NLGN4X: variants seen among roughly 807,000 people sequenced by gnomAD.
The protein encoded by NLGN4X is neuroligin 4 X-linked.
NLGN4X carries 3 observed loss-of-function variants against 40.3 expected under a neutral mutation model. That is an observed-to-expected ratio of 0.07 (90% CI 0.03 to 0.19). NLGN4X has a LOEUF of 0.19. Among genes scored for constraint, NLGN4X ranks in the 10% least tolerant of loss-of-function variants. The pLI, the probability that NLGN4X is intolerant of heterozygous loss-of-function variation, is 1.00. For synonymous variants in NLGN4X, 270 were observed against 306.8 expected (o/e 0.88, Z 1.25); for missense variants, 382 against 708.3 (o/e 0.54, Z 5.23).
intron 3 of NLGN4X, among the ~76,000 whole-genome samples, chrX:5,968,522 A>C (rs2034914605): frequency 1.2e-5 from 1 of 83,354 alleles, no homozygotes; most frequent in African/African-American, 4.6e-5. Flanking sequence ...GGTGCTATCT[A>C]CTAATAATGT....
intron 3 of NLGN4X, among the ~76,000 whole-genome samples, chrX:5,989,997 G>A (rs1318714770): frequency 1.8e-5 from 2 of 108,895 alleles, no homozygotes; most frequent in Non-Finnish European, 3.8e-5. Flanking sequence ...TCACTGTACT[G>A]TACTAACCTA....
At chrX:6,146,194 T>TA (rs1234799635) in intron 2 of NLGN4X, among the ~76,000 whole-genome samples, 7 of 111,944 alleles carry the variant, frequency 6.3e-5, no homozygotes, top group South Asian at 3.8e-4. Flanking sequence ...CAGCTTCTGT[T>TA]ACCACGCCAC....
At chrX:6,194,347 G>T (rs5916325) in intron 1 of NLGN4X, among the ~76,000 whole-genome samples, 1 of 111,048 alleles carries the variant, frequency 9.0e-6, no homozygotes, top group Non-Finnish European at 1.9e-5. Context: ...CATCTCACCC[G>T]GAATGCTCTC....
At chrX:6,032,841 C>T in intron 2 of NLGN4X, 1 of 500,009 alleles carries the variant, frequency 2.0e-6, no homozygotes, top group Non-Finnish European at 3.0e-6. Context: ...AGAGATGCTA[C>T]CCAGAAAAAG....
chrX:6,172,489 C>T (rs991159182), intron 1 of NLGN4X, among the ~76,000 whole-genome samples: 3 of 111,694 alleles, frequency 2.7e-5, no homozygotes, highest in Non-Finnish European at 5.6e-5. Context: ...TCCTCATAAT[C>T]GTTCTCCAAT....
chrX:6,088,433 T>A (rs1299500593), intron 2 of NLGN4X, among the ~76,000 whole-genome samples: 1 of 111,953 alleles, frequency 8.9e-6, no homozygotes, highest in Non-Finnish European at 1.9e-5. Flanking sequence ...GGAGAGCTTG[T>A]TCTTCTCCGC....
At chrX:5,960,483 T>C (rs1601953958) in intron 3 of NLGN4X, among the ~76,000 whole-genome samples, 1 of 111,733 alleles carries the variant, frequency 8.9e-6, no homozygotes, top group East Asian at 2.8e-4. Flanking sequence ...ACTTAAATAC[T>C]TTCACAAAGG....
intron 2 of NLGN4X, among the ~76,000 whole-genome samples, chrX:6,043,672 C>T (rs763146283): frequency 1.8e-5 from 2 of 111,781 alleles, no homozygotes; most frequent in African/African-American, 6.5e-5. Context: ...ATTCACAACT[C>T]GCCCTTAGCG....
At chrX:6,125,154 T>A (rs1261424149) in intron 2 of NLGN4X, among the ~76,000 whole-genome samples, 1 of 112,101 alleles carries the variant, frequency 8.9e-6, no homozygotes, top group Non-Finnish European at 1.9e-5. Flanking sequence ...AAAGGGATAA[T>A]TAAAACTTCA....
At chrX:5,910,622 G>A (rs897972532) in intron 3 of NLGN4X, among the ~76,000 whole-genome samples, 3 of 111,461 alleles carry the variant, frequency 2.7e-5, no homozygotes, top group Non-Finnish European at 5.6e-5. Context: ...AAGAGTAGAG[G>A]ATGAGGCTGC....
intron 3 of NLGN4X, among the ~76,000 whole-genome samples, chrX:6,028,473 A>G (rs1258400157): frequency 9.1e-6 from 1 of 110,230 alleles, no homozygotes; most frequent in East Asian, 2.9e-4. Flanking sequence ...AGCCTGGTCA[A>G]TATGGTGAAA....
chrX:5,989,160 T>C (rs1311537317), intron 3 of NLGN4X, among the ~76,000 whole-genome samples: 2 of 111,976 alleles, frequency 1.8e-5, no homozygotes, highest in African/African-American at 6.5e-5. Flanking sequence ...TCCTTGTCTT[T>C]GAATTAAAAT....
intron 1 of NLGN4X, among the ~76,000 whole-genome samples, chrX:6,228,099 T>G (rs908933278): frequency 1.8e-5 from 2 of 110,894 alleles, no homozygotes; most frequent in African/African-American, 6.6e-5. Flanking sequence ...ACATATATAT[T>G]TTTTTCCTCC....
chrX:6,174,258 C>CAAAA (rs1291183772), intron 1 of NLGN4X, among the ~76,000 whole-genome samples: 1 of 103,766 alleles, frequency 9.6e-6, no homozygotes, highest in Admixed American at 1.0e-4. Context: ...ATTAAATAGT[C>CAAAA]AAAAAAAAAA....
chrX:6,153,457 T>C lies in NLGN4X; in HGVS notation c.-305-1686A>G, dbSNP rs758226122. On this transcript the variant is annotated intron_variant, in intron 1 of 5. Coordinates refer to ENST00000381095, the MANE Select transcript of NLGN4X (RefSeq NM_181332.3). Reference sequence around the variant, plus strand: ...GATGTCTGCCATACAGCAATCCCATTTCTGAATAATTAAGAGACAGACAAG... The same window carrying C: ...GATGTCTGCCATACAGCAATCCCATCTCTGAATAATTAAGAGACAGACAAG... 3.5e-4 allele frequency among the ~76,000 whole-genome samples: 39 copies of C among 112,189 alleles called. 1 individual carries two copies. In the South Asian group the frequency reaches 0.014, roughly 41 times the overall value.
At chrX:5,899,695 T>A (rs1441125113) in intron 5 of NLGN4X, among the ~76,000 whole-genome samples, 1 of 109,297 alleles carries the variant, frequency 9.1e-6, no homozygotes, top group Non-Finnish European at 1.9e-5. Flanking sequence ...TTTTCCTTTT[T>A]TTTTTTTTTT....
intron 3 of NLGN4X, among the ~76,000 whole-genome samples, chrX:6,024,589 A>G (rs1257976736): frequency 1.8e-5 from 2 of 110,838 alleles, no homozygotes; most frequent in African/African-American, 3.3e-5. Context: ...AAAAAAAAAC[A>G]GCCGAAACCC....
rs1229098781 is a variant in NLGN4X, at chrX:6,228,633, G to C, written c.-398C>G. Reference sequence around the variant, plus strand: ...CCCGAAACGAGGTATGATTCAGGAGGATGTATTGAAAGCCCAGGAGCCTTC... The same window carrying C: ...CCCGAAACGAGGTATGATTCAGGAGCATGTATTGAAAGCCCAGGAGCCTTC... On this transcript the variant is annotated 5_prime_UTR_variant, in exon 1 of 6. In the 5' UTR this introduces an upstream ATG that the reference lacks. Transcript: ENST00000381095. The C allele has an allele frequency of 3.6e-5, 4 of 111,155 alleles. No individual in the cohort carries two copies. The highest frequency in any genetic ancestry group is 5.7e-5 in the Non-Finnish European group (3 of 53,064). The allele number at this position is 111,155 out of a possible 1,213,427, so 9.2% of individuals were successfully genotyped here.
intron 3 of NLGN4X, among the ~76,000 whole-genome samples, chrX:6,005,314 C>A (rs1401908969): frequency 9.0e-6 from 1 of 111,515 alleles, no homozygotes; most frequent in East Asian, 2.8e-4. Flanking sequence ...ATACCTTGGG[C>A]CTTTAAGGTC....
Sources: allele counts gnomAD v4.1 joint callset (sites outside exome capture counted in the v4.1 genomes callset), GRCh38; gene constraint gnomAD v4.1.1; transcripts MANE v1.5; gene names NCBI Gene and HGNC (gene_info 2026-07-23, HGNC 2026-07-21).